IL16: variants seen among roughly 807,000 people sequenced by gnomAD.
IL16 encodes pro-interleukin-16.
In IL16, 67 loss-of-function variants were observed where a neutral mutation model predicts 110.1. That is an observed-to-expected ratio of 0.61 (90% CI 0.50 to 0.75). The LOEUF (loss-of-function observed/expected upper bound fraction) is 0.75, where lower values mean the gene tolerates loss of function less well. Among genes scored for constraint, IL16 ranks in the 30% least tolerant of loss-of-function variants. The pLI, the probability that IL16 is intolerant of heterozygous loss-of-function variation, is 0.00. For missense variants in IL16, 1,545 were observed against 1,655.0 expected, an observed-to-expected ratio of 0.93 and a Z score of 1.15; for synonymous variants, 689 against 662.9, an observed-to-expected ratio of 1.04 and a Z score of -0.61.
At chr15:81,281,407 G>A (rs1899171862) in intron 8 of IL16, among the ~76,000 whole-genome samples, 1 of 152,108 alleles carries the variant, frequency 6.6e-6, no homozygotes, top group African/African-American at 2.4e-5. Context: ...CCACACACTG[G>A]GGGATCCCAT....
chr15:81,312,102 C>T lies in IL16; in HGVS notation c.*3304C>T, dbSNP rs531213243. The T allele has an allele frequency of 4.7e-4, 72 of 152,384 alleles. 1 individual carries two copies. The highest frequency in any genetic ancestry group is 1.6e-3 in the African/African-American group (67 of 41,574). The allele number at this position is 152,384 out of a possible 1,614,324, so 9.4% of individuals were successfully genotyped here. ...GCAGCGTGAAGGGATTTTAGTCACA[C>T]GTGGTCTTTCTTACAAGGAAGGTGG... is the stretch of plus-strand genomic sequence containing the variant. On this transcript the variant is annotated 3_prime_UTR_variant, in exon 19 of 19. Coordinates refer to ENST00000683961, the MANE Select transcript of IL16 (RefSeq NM_172217.5).
Position 81,313,380 on chromosome 15 carries a change from A to T in IL16, c.*4582A>T, listed in dbSNP as rs1164330273. On this transcript the variant is annotated 3_prime_UTR_variant, in exon 19 of 19. Coordinates refer to ENST00000683961, the MANE Select transcript of IL16 (RefSeq NM_172217.5). The stretch of plus-strand genomic sequence containing the variant: ...GCTGAGGTCGGTATGGAAGAATGTG[A>T]CCAGGTTGGTCTTGGTGGGTTCCCT... 2 of 1,567,318 alleles carry T rather than the reference A, an allele frequency of 1.3e-6. No individual in the cohort carries two copies. Among genetic ancestry groups the T allele is most frequent in the East Asian group, 4.8e-5 (2 of 41,544 alleles).
At chr15:81,292,077 A>C (rs28704803) in intron 11 of IL16, 5,489 of 421,174 alleles carry the variant, frequency 0.013, 197 homozygotes, top group African/African-American at 0.082. Flanking sequence ...CAACAGCTTC[A>C]GCCAAGCCCT....
chr15:81,224,255 G>T (rs1896714034), intron 1 of IL16, among the ~76,000 whole-genome samples: 2 of 152,210 alleles, frequency 1.3e-5, no homozygotes, highest in Admixed American at 1.3e-4. Context: ...ATTCAATACT[G>T]GATGTGCGCA....
chr15:81,305,946 A>G lies in IL16; in HGVS notation c.3459A>G (p.Glu1153=). The stretch of plus-strand genomic sequence containing the variant: ...TTCCAAATGGGCTGGCCTCCCAGGA[A>G]GGGACTATTCAGAAGGGCAATGAGG... The part of the protein sequence containing the change: ...RVFPNGLASQ[E]GTIQKGNEVL... The change falls in exon 17 of 19, where the codon GAA becomes GAG. Residue 1153 remains glutamate, a synonymous_variant. Coordinates refer to ENST00000683961, the MANE Select transcript of IL16 (RefSeq NM_172217.5). 2 of 1,614,222 alleles carry G rather than the reference A, an allele frequency of 1.2e-6. No individual in the cohort carries two copies. Among genetic ancestry groups the G allele is most frequent in the Non-Finnish European group, 1.7e-6 (2 of 1,180,034 alleles).
intron 2 of IL16, among the ~76,000 whole-genome samples, chr15:81,242,305 T>G (rs1256796031): frequency 6.6e-6 from 1 of 152,200 alleles, no homozygotes; most frequent in Middle Eastern, 3.2e-3. Flanking sequence ...GGAATTGCGT[T>G]AAACCAGCAT....
chr15:81,229,458 T>C (rs899984133), intron 2 of IL16, among the ~76,000 whole-genome samples: 8 of 151,830 alleles, frequency 5.3e-5, no homozygotes, highest in Non-Finnish European at 1.2e-4. Context: ...ATGAGCACAG[T>C]GGAGTCAAGT....
Position 81,300,206 on chromosome 15 carries a change from T to C in IL16, c.2880T>C (p.Pro960=), listed in dbSNP as rs1391830679. The change falls in exon 14 of 19, where the codon CCT becomes CCC. Residue 960 remains proline (P), a synonymous_variant. Transcript: ENST00000683961. Reference sequence around the variant, plus strand: ...CTCAAGGCCCAGTGCTCAAGATGCCTAGCCAGCGAGCACGGAGCTTCCCCC... The same window carrying C: ...CTCAAGGCCCAGTGCTCAAGATGCCCAGCCAGCGAGCACGGAGCTTCCCCC... ...EESQGPVLKM[P]SQRARSFPLT... is the part of the protein sequence containing the mutation. The C allele has an allele frequency of 3.1e-6, 5 of 1,614,212 alleles. No homozygotes were observed.
At chr15:81,273,227 G>T in intron 6 of IL16, 23 bp downstream of exon 6, 1 of 1,519,776 alleles carries the variant, frequency 6.6e-7, no homozygotes, top group South Asian at 1.2e-5. Context: ...GCCCTTTTCA[G>T]ACCATGGTGG....
intron 3 of IL16, among the ~76,000 whole-genome samples, chr15:81,262,185 C>G (rs1898184056): frequency 6.6e-6 from 1 of 152,164 alleles, no homozygotes; most frequent in African/African-American, 2.4e-5. Context: ...ATCTTTTTAT[C>G]ATTAATTTAT....
At chr15:81,301,855 G>A (rs2141618789) in intron 15 of IL16, among the ~76,000 whole-genome samples, 1 of 152,296 alleles carries the variant, frequency 6.6e-6, no homozygotes, top group African/African-American at 2.4e-5. Context: ...TGCTGTCCTG[G>A]CATGTGTCTG....
intron 12 of IL16, among the ~76,000 whole-genome samples, chr15:81,295,111 G>A (rs1314366558): frequency 2.0e-5 from 3 of 151,896 alleles, no homozygotes; most frequent in Non-Finnish European, 2.9e-5. Flanking sequence ...ACTCTCCCCC[G>A]TGCTTTAAAA....
chr15:81,192,141 T>A (rs116108150), upstream of IL16, among the ~76,000 whole-genome samples: 271 of 152,306 alleles, frequency 1.8e-3, 4 homozygotes, highest in Middle Eastern at 6.8e-3. Context: ...TAATCATGTA[T>A]CAGTATTGAT....
At chr15:81,287,341 G>A (rs2142333562) in intron 10 of IL16, among the ~76,000 whole-genome samples, 1 of 152,292 alleles carries the variant, frequency 6.6e-6, no homozygotes, top group South Asian at 2.1e-4. Context: ...GGTACCACGG[G>A]GTGTCCAGGT....
At chr15:81,230,779 C>A (rs527709766) in intron 2 of IL16, among the ~76,000 whole-genome samples, 1 of 152,286 alleles carries the variant, frequency 6.6e-6, no homozygotes, top group South Asian at 2.1e-4. Context: ...TCTGTGAAAT[C>A]TAAGCAATCT....
At chr15:81,231,948 T>C (rs1357287122) in intron 2 of IL16, among the ~76,000 whole-genome samples, 1 of 152,184 alleles carries the variant, frequency 6.6e-6, no homozygotes, top group African/African-American at 2.4e-5. Context: ...TCTATTAGTC[T>C]TTTATTTTTC....
chr15:81,274,574 G>A (rs879665864), intron 6 of IL16, among the ~76,000 whole-genome samples: 3 of 152,210 alleles, frequency 2.0e-5, no homozygotes, highest in Admixed American at 1.3e-4. Flanking sequence ...CATCAGTAAC[G>A]ACCAGGTCCA....
chr15:81,293,141 C>A, intron 12 of IL16, 104 bp downstream of exon 12: 1 of 1,245,942 alleles, frequency 8.0e-7, no homozygotes, highest in Non-Finnish European at 1.1e-6. Context: ...ATGAAAGTTT[C>A]TCCTGCTCCA....
intron 1 of IL16, among the ~76,000 whole-genome samples, chr15:81,216,851 A>C (rs1448807587): frequency 6.6e-6 from 1 of 152,010 alleles, no homozygotes; most frequent in East Asian, 1.9e-4. Context: ...CCTCCTCTCC[A>C]CTGCATACTA....
Sources: gnomAD v4.1 joint callset for allele counts (sites outside exome capture counted in the v4.1 genomes callset) on GRCh38, gnomAD v4.1.1 for gene constraint, MANE v1.5 for transcripts, NCBI Gene and HGNC (gene_info 2026-07-23, HGNC 2026-07-21) for gene names.